ZFHX3: variants seen among roughly 807,000 people sequenced by gnomAD.
The protein encoded by ZFHX3 is zinc finger homeobox 3.
Under a neutral mutation model 279.1 loss-of-function variants are expected in ZFHX3, and 42 were observed. That is an observed-to-expected ratio of 0.15 (90% CI 0.12 to 0.19). The LOEUF is 0.19. Ranked by LOEUF, ZFHX3 falls within the 10% of genes least tolerant of loss-of-function variation. The probability of loss-of-function intolerance (pLI) is 1.00; values close to 1 mark genes in which losing one functional copy is unlikely to be tolerated. For missense variants in ZFHX3, 4,981 were observed against 4,754.0 expected (o/e 1.05, Z -1.40); for synonymous variants, 2,293 against 1,957.8 (o/e 1.17, Z -4.52).
At chr16:73,141,391 T>A (rs1966847448) in intron 6 of ZFHX3, among the ~76,000 whole-genome samples, 1 of 151,874 alleles carries the variant, frequency 6.6e-6, no homozygotes, top group Non-Finnish European at 1.5e-5. Flanking sequence ...GCTAATCTCT[T>A]TAAATAATTT....
At chr16:73,803,208 C>T (rs1396751573) in intron 1 of ZFHX3, among the ~76,000 whole-genome samples, 1 of 152,124 alleles carries the variant, frequency 6.6e-6, no homozygotes, top group Non-Finnish European at 1.5e-5. Context: ...ACAGGAAATG[C>T]AAATAGTCAA....
chr16:72,818,468 C>A (rs1011787283), intron 5 of ZFHX3, among the ~76,000 whole-genome samples: 1 of 152,172 alleles, frequency 6.6e-6, no homozygotes, highest in Non-Finnish European at 1.5e-5. Context: ...TTTCTTCCTC[C>A]CCCCAATAGA....
chr16:72,880,922 T>C (rs2038449059), intron 4 of ZFHX3, among the ~76,000 whole-genome samples: 1 of 152,202 alleles, frequency 6.6e-6, no homozygotes, highest in Non-Finnish European at 1.5e-5. Flanking sequence ...AAAGCAAAAT[T>C]AAATGCTTAT....
intron 3 of ZFHX3, among the ~76,000 whole-genome samples, 155 bp downstream of exon 3, chr16:72,950,314 A>G (rs1472993596): frequency 6.6e-6 from 1 of 152,056 alleles, no homozygotes; most frequent in African/African-American, 2.4e-5. Flanking sequence ...CAAAGTGGAC[A>G]CCGCCGACTC....
intron 4 of ZFHX3, among the ~76,000 whole-genome samples, chr16:72,852,599 A>T (rs1404363868): frequency 1.3e-5 from 2 of 152,244 alleles, no homozygotes; most frequent in African/African-American, 4.8e-5. Context: ...CTTAAGTTGT[A>T]TATTTTCTTT....
chr16:72,914,516 G>C (rs750303512), intron 3 of ZFHX3, among the ~76,000 whole-genome samples: 5 of 152,078 alleles, frequency 3.3e-5, no homozygotes, highest in Non-Finnish European at 5.9e-5. Context: ...AGACTTGGGG[G>C]AGAAACTTGG....
intron 5 of ZFHX3, among the ~76,000 whole-genome samples, chr16:73,216,712 G>A (rs1204205879): frequency 6.6e-6 from 1 of 151,966 alleles, no homozygotes; most frequent in African/African-American, 2.4e-5. Flanking sequence ...GCGGTGAGCT[G>A]AGATCGCGCC....
At chr16:73,268,487 G>T (rs1487278052) in intron 4 of ZFHX3, among the ~76,000 whole-genome samples, 1 of 152,164 alleles carries the variant, frequency 6.6e-6, no homozygotes, top group Non-Finnish European at 1.5e-5. Flanking sequence ...CTGGCGCTGC[G>T]CCCGACGCAG....
chr16:73,711,493 G>A (rs1053484900), intron 1 of ZFHX3, among the ~76,000 whole-genome samples: 1 of 152,170 alleles, frequency 6.6e-6, no homozygotes, highest in Non-Finnish European at 1.5e-5. Flanking sequence ...ATCACTGAAT[G>A]GAAATGGCCC....
intron 3 of ZFHX3, among the ~76,000 whole-genome samples, chr16:72,918,250 G>A (rs1459268423): frequency 1.3e-5 from 2 of 151,954 alleles, no homozygotes; most frequent in Non-Finnish European, 2.9e-5. Context: ...TAAGGGGTTT[G>A]GAAACCATAT....
intron 2 of ZFHX3, among the ~76,000 whole-genome samples, chr16:73,630,857 G>T (rs2052461884): frequency 2.0e-5 from 3 of 152,188 alleles, no homozygotes; most frequent in African/African-American, 7.2e-5. Flanking sequence ...CATTTCTTTG[G>T]GAGAAAGGGT....
intron 2 of ZFHX3, among the ~76,000 whole-genome samples, chr16:73,522,664 A>G (rs1412312894): frequency 6.6e-6 from 1 of 152,160 alleles, no homozygotes. Flanking sequence ...TGCCCTAAAG[A>G]CCACCTCCCT....
chr16:73,687,945 C>T lies in ZFHX3; in HGVS notation c.-1607-7705G>A, dbSNP rs553295129. On this transcript the variant is annotated intron_variant, in intron 1 of 17. Coordinates refer to the ZFHX3 transcript ENST00000641206. ...ATTTCCATAATACTTGTAATTTTAT[C>T]TTTAAGACAATAATTTTTTTTCCAA... Among the ~76,000 whole-genome samples the T allele has an allele frequency of 3.3e-3, 488 of 149,674 alleles. 3 individuals are homozygous for T. The highest frequency in any genetic ancestry group is 0.011 in the African/African-American group (453 of 40,576).
At chr16:73,541,786 C>CTTTTTTT (rs546761843) in intron 2 of ZFHX3, among the ~76,000 whole-genome samples, 19 of 88,142 alleles carry the variant, frequency 2.2e-4, no homozygotes, top group African/African-American at 7.8e-4. Flanking sequence ...TGGTGGTTCT[C>CTTTTTTT]TTTTTTTTTT....
intron 5 of ZFHX3, among the ~76,000 whole-genome samples, chr16:73,168,306 C>T (rs4503823): frequency 0.47 from 69,970 of 147,888 alleles, 16,684 homozygotes; most frequent in Middle Eastern, 0.58. Flanking sequence ...CTGTCATCCA[C>T]GCTGGAGTGC....
intron 4 of ZFHX3, among the ~76,000 whole-genome samples, chr16:73,265,516 C>T (rs114520479): frequency 6.6e-6 from 1 of 152,278 alleles, no homozygotes; most frequent in African/African-American, 2.4e-5. Context: ...CTACCCAGGA[C>T]TCTTGGAATA....
chr16:73,002,610 C>G (rs138291057), intron 1 of ZFHX3, among the ~76,000 whole-genome samples: 2 of 152,300 alleles, frequency 1.3e-5, no homozygotes, highest in South Asian at 2.1e-4. Context: ...ATTCCACAAG[C>G]TTGCAGATCA....
chr16:73,728,019 C>CA (rs1555535421), intron 1 of ZFHX3, among the ~76,000 whole-genome samples: 5 of 95,974 alleles, frequency 5.2e-5, no homozygotes, highest in African/African-American at 1.5e-4. Flanking sequence ...AATTGTGCCC[C>CA]CCCCCCGCCC....
chr16:73,143,773 G>A (rs1157616317), exon 6 of ZFHX3: 2 of 1,305,428 alleles, frequency 1.5e-6, no homozygotes, highest in Admixed American at 2.3e-5. Context: ...CGGCAAAGCT[G>A]GACACCATCC....
Sources: gnomAD v4.1 joint callset for allele counts (sites outside exome capture counted in the v4.1 genomes callset) on GRCh38, gnomAD v4.1.1 for gene constraint, MANE v1.5 for transcripts, NCBI Gene and HGNC (gene_info 2026-07-23, HGNC 2026-07-21) for gene names.